Variants in RNF170 observed in about 807,000 individuals in gnomAD.
RNF170 encodes the protein ring finger protein 170.
A neutral mutation model predicts 32.7 loss-of-function variants in RNF170; 12 were observed. The ratio of observed to expected loss-of-function variants is 0.37; its 90% CI spans 0.24 to 0.60. The LOEUF (loss-of-function observed/expected upper bound fraction) is 0.60, where lower values mean the gene tolerates loss of function less well. RNF170 is among the 20% of genes least tolerant of loss of function. The pLI, the probability that RNF170 is intolerant of heterozygous loss-of-function variation, is 0.72. For missense variants in RNF170, 212 were observed against 311.2 expected, an observed-to-expected ratio of 0.68 and a Z score of 2.40; for synonymous variants, 91 against 103.6, an observed-to-expected ratio of 0.88 and a Z score of 0.74.
chr8:42,897,029 G>A, upstream of RNF170: 1 of 851,754 alleles, frequency 1.2e-6, no homozygotes, highest in Non-Finnish European at 1.6e-6. Context: ...CGAGGAGCAG[G>A]CGGGCCTGAG....
intron 2 of RNF170, among the ~76,000 whole-genome samples, chr8:42,886,215 C>G (rs974188677): frequency 6.6e-6 from 1 of 151,374 alleles, no homozygotes; most frequent in Non-Finnish European, 1.5e-5. Context: ...CAGAGTGAGA[C>G]TCGGTCTCAA....
chr8:42,878,692 C>G (rs942570987), intron 2 of RNF170, among the ~76,000 whole-genome samples: 1 of 152,250 alleles, frequency 6.6e-6, no homozygotes, highest in Admixed American at 6.5e-5. Context: ...TAGCTAAGAT[C>G]ATTGATGAAG....
At chr8:42,860,423 C>T (rs1319628283) in intron 6 of RNF170, among the ~76,000 whole-genome samples, 1 of 151,950 alleles carries the variant, frequency 6.6e-6, no homozygotes, top group Non-Finnish European at 1.5e-5. Flanking sequence ...CATATCCCTC[C>T]AAACTTTTTT....
rs1803686578 is a variant in RNF170 at position 42,861,841 on chromosome 8, T to C, written c.411A>G (p.Leu137=). 6.2e-7 allele frequency: 1 copy of C among 1,613,566 alleles called. No homozygotes were observed. The highest frequency in any genetic ancestry group is 8.5e-7 in the Non-Finnish European group (1 of 1,179,790). Residue 137 remains leucine, a synonymous_variant, in exon 6 of 7, where the codon CTA becomes CTG. Transcript: ENST00000527424. The part of the protein sequence containing the change: ...PICRQTVTLL[L]TVFGEDDQSQ... ...ACTGATCATCTTCACCAAATACTGTTAGGAGTAAGGTTACCTGTATATTAC... is the reference window on the plus strand; with the variant it reads ...ACTGATCATCTTCACCAAATACTGTCAGGAGTAAGGTTACCTGTATATTAC...
chr8:42,896,483 C>A lies in RNF170; in HGVS notation c.-8+1G>T, dbSNP rs1364965107. On this transcript the variant is annotated splice_donor_variant, in intron 1 of 6. Transcript: ENST00000527424. LOFTEE classifies it low-confidence loss of function (5UTR_SPLICE). ...GCGTGGCCGCCGCGCGCCGGACGTA[C>A]CTCTCCACCGCGAAGGAACTACCTC... 2.2e-6 allele frequency: 1 copy of A among 453,850 alleles called. No homozygotes were observed. The highest frequency in any genetic ancestry group is 4.4e-6 in the Non-Finnish European group (1 of 226,726). The allele number at this position is 453,850 out of a possible 1,614,324, so 28.1% of individuals were successfully genotyped here.
chr8:42,885,263 G>A (rs1435518110), intron 2 of RNF170, among the ~76,000 whole-genome samples: 4 of 152,088 alleles, frequency 2.6e-5, no homozygotes, highest in Admixed American at 2.6e-4. Flanking sequence ...TGTATACAGA[G>A]AGATCTATAT....
chr8:42,891,129 C>G (rs556624755), intron 1 of RNF170, among the ~76,000 whole-genome samples: 21 of 152,304 alleles, frequency 1.4e-4, no homozygotes, highest in Non-Finnish European at 1.5e-5. Context: ...AACTGAAGCC[C>G]AAGCAGTTGT....
chr8:42,869,134 TC>T (rs1466292854), intron 4 of RNF170, among the ~76,000 whole-genome samples: 29 of 152,254 alleles, frequency 1.9e-4, no homozygotes, highest in Non-Finnish European at 5.9e-5. Flanking sequence ...GGCCTCCAAC[TC>T]CTGGGCTCAA....
At chr8:42,876,005 G>A (rs1473194773) in intron 2 of RNF170, among the ~76,000 whole-genome samples, 1 of 152,116 alleles carries the variant, frequency 6.6e-6, no homozygotes, top group Non-Finnish European at 1.5e-5. Flanking sequence ...AACTAGCAGA[G>A]GAACCATCTC....
chr8:42,858,599 A>G (rs534946401), intron 6 of RNF170, among the ~76,000 whole-genome samples: 2 of 152,304 alleles, frequency 1.3e-5, no homozygotes, highest in South Asian at 4.1e-4. Flanking sequence ...GCCATGAAGG[A>G]AAGGTACAGA....
At chr8:42,896,360 GC>G (rs1355244955) in intron 1 of RNF170, 123 bp downstream of exon 1, 1 of 420,276 alleles carries the variant, frequency 2.4e-6, no homozygotes, top group Non-Finnish European at 4.7e-6. Flanking sequence ...GGGGAAGGAG[GC>G]GGCGACTCCC....
chr8:42,879,391 G>T (rs372108636), intron 2 of RNF170, among the ~76,000 whole-genome samples: 1 of 152,032 alleles, frequency 6.6e-6, no homozygotes, highest in South Asian at 2.1e-4. Flanking sequence ...GGTGGCTCAC[G>T]CCTGTAATCC....
chr8:42,871,169 C>G (rs773251367), intron 3 of RNF170, among the ~76,000 whole-genome samples: 1 of 151,826 alleles, frequency 6.6e-6, no homozygotes, highest in Non-Finnish European at 1.5e-5. Context: ...GAGATCACAC[C>G]GCTATACTCC....
chr8:42,855,965 T>G lies in RNF170; in HGVS notation c.*194A>C, dbSNP rs749333104. ...GATCATTATAATTCTAAACTTAATATTAGAACTTCAAACATGAAAATTCCA... is the reference window on the plus strand; with the variant it reads ...GATCATTATAATTCTAAACTTAATAGTAGAACTTCAAACATGAAAATTCCA... On this transcript the variant is annotated 3_prime_UTR_variant, in exon 7 of 7. Transcript: ENST00000527424. The G allele has an allele frequency of 1.7e-5, 24 of 1,412,602 alleles. No homozygotes were observed. The highest frequency in any genetic ancestry group is 2.3e-5 in the Non-Finnish European group (24 of 1,061,016). 87.5% of individuals were successfully genotyped at this position (1,412,602 alleles called of 1,614,324 possible).
At chr8:42,881,876 A>T (rs1364402180) in intron 2 of RNF170, among the ~76,000 whole-genome samples, 1 of 152,228 alleles carries the variant, frequency 6.6e-6, no homozygotes, top group East Asian at 1.9e-4. Flanking sequence ...TTGAGGCTGC[A>T]GTGAGCCATA....
chr8:42,894,005 C>A (rs541285481), intron 1 of RNF170, among the ~76,000 whole-genome samples: 1 of 152,144 alleles, frequency 6.6e-6, no homozygotes, highest in Non-Finnish European at 1.5e-5. Flanking sequence ...ATAAAACACA[C>A]AGAGAAAATA....
In RNF170 at chr8:42,854,310, T is replaced by C; in HGVS notation, c.*1849A>G. Reference sequence around the variant, plus strand: ...ACAACTTTCACGTCTATCTAAACATTCTATGCAGGAGTCCTACTAAGAAAT... The same window carrying C: ...ACAACTTTCACGTCTATCTAAACATCCTATGCAGGAGTCCTACTAAGAAAT... On this transcript the variant is annotated 3_prime_UTR_variant, in exon 7 of 7. Transcript: ENST00000527424. The C allele has an allele frequency of 7.8e-7, 1 of 1,287,210 alleles. No individual in the cohort carries two copies. Among genetic ancestry groups the C allele is most frequent in the East Asian group, 5.5e-5 (1 of 18,028 alleles). 79.7% of individuals were successfully genotyped at this position (1,287,210 alleles called of 1,614,324 possible). A position where few individuals can be genotyped will look rare whatever the true frequency, so the allele number is the denominator to read the frequency against.
chr8:42,873,095 A>C (rs1300359546), intron 3 of RNF170, among the ~76,000 whole-genome samples: 1 of 151,830 alleles, frequency 6.6e-6, no homozygotes, highest in African/African-American at 2.4e-5. Flanking sequence ...GAGTTTTGTC[A>C]TGTTGCCCAA....
downstream of RNF170, chr8:42,849,964 T>C (rs1324006113): frequency 6.6e-6 from 1 of 152,280 alleles, no homozygotes; most frequent in Non-Finnish European, 1.5e-5. Flanking sequence ...TGAGAGGTGC[T>C]CTGTGGGCTG....
Sources: gnomAD v4.1 joint callset for allele counts (sites outside exome capture counted in the v4.1 genomes callset) on GRCh38, gnomAD v4.1.1 for gene constraint, MANE v1.5 for transcripts, NCBI Gene and HGNC (gene_info 2026-07-23, HGNC 2026-07-21) for gene names.